COL22A1: variants seen among roughly 807,000 people sequenced by gnomAD.
COL22A1 encodes the protein collagen alpha-1(XXII) chain.
Under a neutral mutation model 248.9 loss-of-function variants are expected in COL22A1, and 221 were observed. The observed-to-expected ratio is 0.89, with a 90% confidence interval of 0.80 to 0.99. The LOEUF is 0.99. Ranked by LOEUF, COL22A1 falls within the 50% of genes least tolerant of loss-of-function variation. The pLI is 0.00. For missense variants in COL22A1, 2,240 were observed against 2,179.0 expected, an observed-to-expected ratio of 1.03 and a Z score of -0.56; for synonymous variants, 891 against 793.4, an observed-to-expected ratio of 1.12 and a Z score of -2.07.
chr8:138,821,432 G>A (rs1421880396), intron 6 of COL22A1, 21 bp from the exon 7 acceptor site: 1 of 1,605,692 alleles, frequency 6.2e-7, no homozygotes. Flanking sequence ...AAGGACCAGA[G>A]ACTCCTTGAG....
intron 16 of COL22A1, among the ~76,000 whole-genome samples, chr8:138,772,086 G>A (rs571945303): frequency 3.9e-5 from 6 of 152,296 alleles, no homozygotes; most frequent in South Asian, 2.1e-4. Flanking sequence ...AACCCTGAGC[G>A]TGGAGTACCC....
chr8:138,824,919 C>T (rs1388875703), intron 6 of COL22A1, among the ~76,000 whole-genome samples: 1 of 152,216 alleles, frequency 6.6e-6, no homozygotes, highest in Non-Finnish European at 1.5e-5. Flanking sequence ...CTTCATCTCT[C>T]CATGGTTCTG....
intron 4 of COL22A1, among the ~76,000 whole-genome samples, chr8:138,833,674 T>C (rs1820220533): frequency 6.6e-6 from 1 of 152,226 alleles, no homozygotes; most frequent in Non-Finnish European, 1.5e-5. Context: ...TACTGCATTA[T>C]TTGAAATGAT....
chr8:138,605,352 C>T (rs1818340937), intron 58 of COL22A1, among the ~76,000 whole-genome samples: 1 of 152,202 alleles, frequency 6.6e-6, no homozygotes, highest in East Asian at 1.9e-4. Context: ...AAGCACCCCA[C>T]TCTTATCATG....
chr8:138,885,584 G>A (rs1247046888), intron 1 of COL22A1, among the ~76,000 whole-genome samples: 1 of 151,798 alleles, frequency 6.6e-6, no homozygotes, highest in Non-Finnish European at 1.5e-5. Flanking sequence ...TTTTGTTTTT[G>A]TTTTTTGTTT....
chr8:138,658,492 C>T (rs1823494232), intron 44 of COL22A1, among the ~76,000 whole-genome samples: 1 of 152,150 alleles, frequency 6.6e-6, no homozygotes, highest in Non-Finnish European at 1.5e-5. Context: ...CCCTAGACAC[C>T]AAGGTTCCGG....
rs530778178 is a variant in COL22A1 at position 138,626,718 on chromosome 8, T to C, written c.3664-475A>G. Reference sequence around the variant, plus strand: ...GGGTGCATGCATAGAGGATGGTTTATTATTTTCATCATTTTTCCAGAGGCT... The same window carrying C: ...GGGTGCATGCATAGAGGATGGTTTACTATTTTCATCATTTTTCCAGAGGCT... On this transcript the variant is annotated intron_variant, in intron 50 of 64. Coordinates refer to ENST00000303045, the MANE Select transcript of COL22A1 (RefSeq NM_152888.3). Among the ~76,000 whole-genome samples the C allele has an allele frequency of 3.3e-4, 50 of 152,348 alleles. No homozygotes were observed. The Middle Eastern group carries it at 0.014, about 41-fold the overall frequency.
intron 47 of COL22A1, 146 bp downstream of exon 47, chr8:138,646,483 A>T (rs1207313719): frequency 5.6e-6 from 3 of 537,426 alleles, no homozygotes; most frequent in Non-Finnish European, 9.5e-6. Flanking sequence ...TCAATAGGAT[A>T]GTCAGTGCCA....
At chr8:138,613,756 T>A (rs988214157) in intron 56 of COL22A1, 111 bp downstream of exon 56, 4 of 1,035,218 alleles carry the variant, frequency 3.9e-6, no homozygotes, top group Non-Finnish European at 6.1e-6. Context: ...TAAAACATAT[T>A]ACAATTTTTT....
intron 22 of COL22A1, among the ~76,000 whole-genome samples, chr8:138,743,517 T>C (rs1831866325): frequency 6.6e-6 from 1 of 152,116 alleles, no homozygotes; most frequent in South Asian, 2.1e-4. Context: ...ATGGTGATGC[T>C]AACATTATTG....
chr8:138,600,273 G>T (rs1284249989), intron 60 of COL22A1, among the ~76,000 whole-genome samples: 1 of 152,216 alleles, frequency 6.6e-6, no homozygotes, highest in African/African-American at 2.4e-5. Flanking sequence ...GAACTCCATT[G>T]CTGGGATGTA....
intron 43 of COL22A1, 85 bp downstream of exon 43, chr8:138,661,945 A>C: frequency 9.6e-7 from 1 of 1,036,366 alleles, no homozygotes; most frequent in Non-Finnish European, 1.4e-6. Context: ...CACATGGTCA[A>C]AGGAGGCCAG....
intron 1 of COL22A1, among the ~76,000 whole-genome samples, chr8:138,908,410 A>AT (rs1478960703): frequency 6.6e-6 from 1 of 152,248 alleles, no homozygotes; most frequent in Non-Finnish European, 1.5e-5. Flanking sequence ...TACTTTTTAA[A>AT]TTTAAAACAT....
At chr8:138,750,216 G>T (rs946200851) in intron 22 of COL22A1, among the ~76,000 whole-genome samples, 2 of 152,164 alleles carry the variant, frequency 1.3e-5, no homozygotes, top group Non-Finnish European at 2.9e-5. Context: ...AAATTGCCCA[G>T]TCTCGGGTAT....
chr8:138,842,741 A>G (rs554212411), intron 4 of COL22A1, among the ~76,000 whole-genome samples: 15 of 152,376 alleles, frequency 9.8e-5, no homozygotes, highest in Non-Finnish European at 1.9e-4. Context: ...CAAGGAAATT[A>G]GGTTAACAAA....
chr8:138,783,920 A>G (rs552671296), intron 12 of COL22A1, among the ~76,000 whole-genome samples: 1 of 152,250 alleles, frequency 6.6e-6, no homozygotes, highest in South Asian at 2.1e-4. Flanking sequence ...AAGGGCATGG[A>G]AGGACCTGCT....
intron 36 of COL22A1, 139 bp from the exon 37 acceptor site, chr8:138,689,109 T>A: frequency 1.5e-6 from 1 of 668,728 alleles, no homozygotes. Context: ...ATACTTTATT[T>A]AAATTCCCCA....
In COL22A1 at chr8:138,604,759, C is replaced by T; in HGVS notation, c.4115G>A (p.Gly1372Glu). The T allele has an allele frequency of 2.5e-6, 4 of 1,612,368 alleles. No homozygotes were observed. Among genetic ancestry groups the T allele is most frequent in the Non-Finnish European group, 2.5e-6 (3 of 1,179,234 alleles). The change falls in exon 59 of 65, where the codon GGA becomes GAA. Residue 1372 changes from glycine (G) to glutamate (E), a missense_variant. Coordinates refer to ENST00000303045, the MANE Select transcript of COL22A1 (RefSeq NM_152888.3). ...LGPRGPPGEPGEKGVPGKEGV... is the reference protein window; with the variant it reads ...LGPRGPPGEPEEKGVPGKEGV... ...CTCCTTGCCTGGGACTCCTTTCTCT[C>T]CTGGTTCTCCCTGGAAAACAGAACA...
At chr8:138,693,736 C>A in intron 34 of COL22A1, 37 bp from the exon 35 acceptor site, 1 of 1,550,388 alleles carries the variant, frequency 6.4e-7, no homozygotes, top group African/African-American at 1.4e-5. Context: ...GGGTAAGACA[C>A]CCTCAGTGAT....
Sources: gnomAD v4.1 joint callset for allele counts (sites outside exome capture counted in the v4.1 genomes callset) on GRCh38, gnomAD v4.1.1 for gene constraint, MANE v1.5 for transcripts, NCBI Gene and HGNC (gene_info 2026-07-23, HGNC 2026-07-21) for gene names.